The following CPNE8 variants were observed in gnomAD, a reference collection of about 807,000 sequenced individuals.
CPNE8 encodes the protein copine-8.
Under a neutral mutation model 81.5 loss-of-function variants are expected in CPNE8, and 45 were observed. The ratio of observed to expected loss-of-function variants is 0.55; its 90% CI spans 0.44 to 0.71. CPNE8 has a LOEUF of 0.71. CPNE8 is among the 30% of genes least tolerant of loss of function. CPNE8 has a pLI of 0.00. For synonymous variants in CPNE8, 252 were observed against 226.3 expected (o/e 1.11, Z -1.02); for missense variants, 594 against 672.1 (o/e 0.88, Z 1.28).
chr12:38,726,776 T>A (rs1940709324), intron 11 of CPNE8, among the ~76,000 whole-genome samples: 1 of 152,176 alleles, frequency 6.6e-6, no homozygotes, highest in South Asian at 2.1e-4. Flanking sequence ...GGAGTAACTT[T>A]TTAGTAGAAT....
At chr12:38,705,628 C>T (rs1940085877) in intron 13 of CPNE8, among the ~76,000 whole-genome samples, 1 of 151,972 alleles carries the variant, frequency 6.6e-6, no homozygotes, top group Non-Finnish European at 1.5e-5. Context: ...AGATAAAAGC[C>T]CCTTTGAGGG....
rs533230998 is a variant in CPNE8 at position 38,764,882 on chromosome 12, A to G, written c.576-2666T>C. Among the ~76,000 whole-genome samples, 562 of 152,002 alleles carry G rather than the reference A, an allele frequency of 3.7e-3. 1 individual carries two copies. The highest frequency in any genetic ancestry group is 1.0e-2 in the African/African-American group (414 of 41,464). On this transcript the variant is annotated intron_variant, in intron 8 of 19. Transcript: ENST00000331366. ...ACAGGAAGAGAGAGAGAGAGAGAGA[A>G]AAAGAGAGACAGAGAGAGAGACTAG... is the stretch of plus-strand genomic sequence containing the variant.
At chr12:38,674,906 T>C (rs113937637) in intron 18 of CPNE8, among the ~76,000 whole-genome samples, 1 of 152,200 alleles carries the variant, frequency 6.6e-6, no homozygotes, top group African/African-American at 2.4e-5. Flanking sequence ...ACCATTCTCA[T>C]TTCCAAAGCC....
In CPNE8 at chr12:38,717,735, C is replaced by T. The variant is rs186177809; in HGVS notation, c.914+6037G>A. On this transcript the variant is annotated intron_variant, in intron 13 of 19. Transcript: ENST00000331366. Reference sequence around the variant, plus strand: ...GTGTATATTGCTCAGGTGACAAGTGCACTAAAATCTCAAAAATCACCACTA... The same window carrying T: ...GTGTATATTGCTCAGGTGACAAGTGTACTAAAATCTCAAAAATCACCACTA... 2.7e-4 allele frequency among the ~76,000 whole-genome samples: 41 copies of T among 151,348 alleles called. 1 individual carries two copies. The East Asian group carries it at 7.0e-3, about 26-fold the overall frequency.
chr12:38,777,139 C>T (rs1260081915), intron 6 of CPNE8, among the ~76,000 whole-genome samples: 1 of 151,854 alleles, frequency 6.6e-6, no homozygotes, highest in African/African-American at 2.4e-5. Context: ...ATGGTACTGC[C>T]CCTGAAGGTT....
At chr12:38,776,489 T>C (rs1592078880) in intron 6 of CPNE8, among the ~76,000 whole-genome samples, 188 bp from the exon 7 acceptor site, 1 of 151,952 alleles carries the variant, frequency 6.6e-6, no homozygotes, top group Middle Eastern at 3.4e-3. Context: ...TATGTTTTTT[T>C]AGCAGAGATG....
intron 7 of CPNE8, among the ~76,000 whole-genome samples, chr12:38,773,251 C>A (rs1565607636): frequency 2.0e-5 from 3 of 151,956 alleles, no homozygotes; most frequent in South Asian, 4.1e-4. Flanking sequence ...CAGTATAGTA[C>A]CTATGGTTAA....
chr12:38,695,391 A>G (rs1037479320), intron 14 of CPNE8, among the ~76,000 whole-genome samples: 27 of 152,200 alleles, frequency 1.8e-4, no homozygotes, highest in African/African-American at 5.5e-4. Flanking sequence ...CTTCCGGGCT[A>G]ATGTCCTCTA....
At chr12:38,883,831 A>G (rs1944198256) in intron 1 of CPNE8, among the ~76,000 whole-genome samples, 1 of 152,236 alleles carries the variant, frequency 6.6e-6, no homozygotes, top group Admixed American at 6.5e-5. Context: ...TAGCACCTTC[A>G]GGCAGATGTG....
chr12:38,844,415 T>A (rs1036827995), intron 4 of CPNE8, among the ~76,000 whole-genome samples: 1 of 152,190 alleles, frequency 6.6e-6, no homozygotes, highest in Non-Finnish European at 1.5e-5. Context: ...TGTATTATCA[T>A]CAGTGTGATA....
intron 6 of CPNE8, among the ~76,000 whole-genome samples, chr12:38,796,720 G>C (rs1313918807): frequency 6.6e-6 from 1 of 152,104 alleles, no homozygotes; most frequent in African/African-American, 2.4e-5. Context: ...AGCGCACCAT[G>C]TCCAAGCCAA....
intron 14 of CPNE8, among the ~76,000 whole-genome samples, chr12:38,702,674 C>A (rs1939976203): frequency 6.6e-6 from 1 of 151,734 alleles, no homozygotes; most frequent in African/African-American, 2.4e-5. Flanking sequence ...AGACTATTAG[C>A]ATTTTTGTTA....
At chr12:38,846,225 G>T (rs1199140232) in intron 4 of CPNE8, among the ~76,000 whole-genome samples, 1 of 152,040 alleles carries the variant, frequency 6.6e-6, no homozygotes, top group Non-Finnish European at 1.5e-5. Context: ...AAGCTTATAG[G>T]ATCTCCAATG....
chr12:38,778,168 C>G (rs181200610), intron 6 of CPNE8, among the ~76,000 whole-genome samples: 9 of 152,068 alleles, frequency 5.9e-5, no homozygotes, highest in Admixed American at 6.6e-5. Flanking sequence ...TGAATCATCC[C>G]GAAACTACCC....
intron 1 of CPNE8, among the ~76,000 whole-genome samples, chr12:38,890,585 T>C (rs1225633405): frequency 6.6e-6 from 1 of 152,006 alleles, no homozygotes; most frequent in East Asian, 1.9e-4. Flanking sequence ...AAATACAGAG[T>C]CTGGAAGAAG....
chr12:38,886,676 T>C (rs895321038), intron 1 of CPNE8, among the ~76,000 whole-genome samples: 2 of 152,182 alleles, frequency 1.3e-5, no homozygotes, highest in African/African-American at 4.8e-5. Flanking sequence ...AAGTTCCTTT[T>C]GCCTTCTATG....
chr12:38,805,605 T>A (rs1206175283), intron 6 of CPNE8, among the ~76,000 whole-genome samples: 6 of 102,002 alleles, frequency 5.9e-5, no homozygotes, highest in Admixed American at 2.1e-4. Flanking sequence ...GGCACATGTA[T>A]ACATATGTAA....
At chr12:38,708,556 T>C (rs911466026) in intron 13 of CPNE8, among the ~76,000 whole-genome samples, 10 of 152,186 alleles carry the variant, frequency 6.6e-5, no homozygotes, top group African/African-American at 2.4e-5. Context: ...TATTTTAGAA[T>C]ATAAAAAGTT....
intron 13 of CPNE8, among the ~76,000 whole-genome samples, chr12:38,709,263 T>C (rs1285843915): frequency 6.6e-6 from 1 of 152,218 alleles, no homozygotes; most frequent in Non-Finnish European, 1.5e-5. Context: ...CCTGAGCCCT[T>C]TTCTGTCTTA....
Sources: allele counts gnomAD v4.1 joint callset (sites outside exome capture counted in the v4.1 genomes callset), GRCh38; gene constraint gnomAD v4.1.1; transcripts MANE v1.5; gene names NCBI Gene and HGNC (gene_info 2026-07-23, HGNC 2026-07-21).